Variants in VCL observed in about 807,000 individuals in gnomAD.
The protein encoded by VCL is vinculin, also known as epididymis luminal protein 114.
In VCL, 47 loss-of-function variants were observed where a neutral mutation model predicts 125.7. The observed-to-expected ratio is 0.37, with a 90% CI of 0.30 to 0.48. VCL has a LOEUF of 0.48. Ranked by LOEUF, VCL falls within the 20% of genes least tolerant of loss-of-function variation. VCL has a pLI of 0.99. For missense variants in VCL, 1,069 were observed against 1,455.5 expected (o/e 0.73, Z 4.32); for synonymous variants, 458 against 514.6 (o/e 0.89, Z 1.49).
At chr10:74,033,104 A>G (rs1231058176) in intron 1 of VCL, among the ~76,000 whole-genome samples, 1 of 152,238 alleles carries the variant, frequency 6.6e-6, no homozygotes, top group African/African-American at 2.4e-5. Flanking sequence ...CATTATTCAT[A>G]ATAGCCCAAA....
chr10:74,051,885 G>A (rs1174056974), intron 2 of VCL, among the ~76,000 whole-genome samples: 1 of 152,168 alleles, frequency 6.6e-6, no homozygotes, highest in Non-Finnish European at 1.5e-5. Context: ...TATTGAAGCA[G>A]CAGTGTACAG....
At chr10:74,006,899 T>C (rs1840331902) in intron 1 of VCL, among the ~76,000 whole-genome samples, 1 of 152,320 alleles carries the variant, frequency 6.6e-6, no homozygotes, top group Admixed American at 6.5e-5. Context: ...TAACCTGTAC[T>C]TATTTAATTA....
chr10:74,094,553 G>C, intron 11 of VCL, 92 bp downstream of exon 11: 3 of 1,442,180 alleles, frequency 2.1e-6, no homozygotes, highest in Non-Finnish European at 2.9e-6. Context: ...CTGTAATTAG[G>C]TAAGGGTTCT....
intron 1 of VCL, among the ~76,000 whole-genome samples, chr10:74,033,537 T>C (rs1287452461): frequency 6.6e-6 from 1 of 152,248 alleles, no homozygotes; most frequent in Non-Finnish European, 1.5e-5. Flanking sequence ...CTGGCTTTTA[T>C]GACAGAGTTC....
At chr10:74,009,962 T>C (rs562571968) in intron 1 of VCL, among the ~76,000 whole-genome samples, 1 of 152,064 alleles carries the variant, frequency 6.6e-6, no homozygotes, top group South Asian at 2.1e-4. Context: ...TCTTGCTCTG[T>C]TGCCCAGGCT....
In VCL at chr10:74,109,015, T is replaced by C; in HGVS notation, c.2604T>C (p.Gly868=). 1 of 1,614,066 alleles carries C rather than the reference T, an allele frequency of 6.2e-7. No homozygotes were observed. Among genetic ancestry groups the C allele is most frequent in the Non-Finnish European group, 8.5e-7 (1 of 1,179,998 alleles). Reference sequence around the variant, plus strand: ...CTCCCAAACCACCTCTGCCTGAAGGTGAGGTCCCTCCACCTAGGCCTCCAC... The same window carrying C: ...CTCCCAAACCACCTCTGCCTGAAGGCGAGGTCCCTCCACCTAGGCCTCCAC... ...LAPPKPPLPE[G]EVPPPRPPPP... Residue 868 remains glycine (G), a synonymous_variant, in exon 18 of 22, where the codon GGT becomes GGC. Coordinates refer to ENST00000211998, the MANE Select transcript of VCL (RefSeq NM_014000.3).
intron 1 of VCL, among the ~76,000 whole-genome samples, chr10:74,024,173 TAG>T (rs901033365): frequency 6.6e-6 from 1 of 152,158 alleles, no homozygotes; most frequent in Non-Finnish European, 1.5e-5. Context: ...AGCAAAGGAA[TAG>T]AGTGATTTTG....
rs1302101209 is a variant in VCL at position 74,082,541 on chromosome 10, C to G, written c.871C>G (p.Pro291Ala). 1 of 1,613,858 alleles carries G rather than the reference C, an allele frequency of 6.2e-7. No homozygotes were observed. The highest frequency in any genetic ancestry group is 1.3e-5 in the African/African-American group (1 of 74,898). The change falls in exon 7 of 22, where the codon CCA becomes GCA. Residue 291 changes from proline to alanine, a missense_variant. Around this residue, in one of 6 missense-constraint regions of VCL, gnomAD observed 760 missense variants for 928.9 expected, o/e 0.82. Transcript: ENST00000211998. Reference protein sequence around the residue: ...KGWLRDPSASPGDAGEQAIRQ... With the variant: ...KGWLRDPSASAGDAGEQAIRQ... ...TTGGCTCCGTGACCCTAGTGCCTCC[C>G]CAGGTAACCCTCTAGTTCTGCTTTT...
At chr10:74,105,643 A>C (rs1840120203) in intron 16 of VCL, among the ~76,000 whole-genome samples, 1 of 151,980 alleles carries the variant, frequency 6.6e-6, no homozygotes, top group South Asian at 2.1e-4. Flanking sequence ...TGAAACCTCC[A>C]CCTTCTGGGT....
chr10:74,084,823 G>A (rs925187054), intron 8 of VCL, among the ~76,000 whole-genome samples: 1 of 151,244 alleles, frequency 6.6e-6, no homozygotes, highest in Admixed American at 6.6e-5. Context: ...TGTTGGTCAG[G>A]CTGGTCTCAA....
At chr10:74,094,571 C>A in intron 11 of VCL, 110 bp downstream of exon 11, 1 of 1,288,612 alleles carries the variant, frequency 7.8e-7, no homozygotes, top group Non-Finnish European at 1.1e-6. Context: ...TCTTTAGCTG[C>A]TGATAAGTAA....
At chr10:74,092,053 C>T (rs183557158) in intron 10 of VCL, among the ~76,000 whole-genome samples, 6 of 151,892 alleles carry the variant, frequency 4.0e-5, no homozygotes, top group South Asian at 2.1e-4. Context: ...GGACTACAGG[C>T]GCACACCACC....
chr10:74,065,771 G>C (rs60819773), intron 2 of VCL, among the ~76,000 whole-genome samples: 9,506 of 151,752 alleles, frequency 0.063, 1,022 homozygotes, highest in African/African-American at 0.22. Flanking sequence ...AAGTTCAGAC[G>C]ATGAGGATCA....
chr10:74,109,712 T>G (rs1298538038), intron 18 of VCL, among the ~76,000 whole-genome samples: 1 of 152,154 alleles, frequency 6.6e-6, no homozygotes, highest in Non-Finnish European at 1.5e-5. Context: ...GGTGTAAATA[T>G]TAATGTGGTT....
intron 17 of VCL, 74 bp from the exon 18 acceptor site, chr10:74,108,897 T>C: frequency 6.3e-7 from 1 of 1,589,584 alleles, no homozygotes; most frequent in Admixed American, 1.7e-5. Flanking sequence ...AGGGATGCTT[T>C]TTAGAAGAAA....
intron 10 of VCL, among the ~76,000 whole-genome samples, chr10:74,090,861 C>T (rs1428318375): frequency 6.6e-6 from 1 of 151,932 alleles, no homozygotes; most frequent in Non-Finnish European, 1.5e-5. Context: ...AGTGCAGCGG[C>T]ATGACTATGC....
rs1333184553 is a variant in VCL at position 74,097,251 on chromosome 10, TG to T, written c.1792del (p.Val598PhefsTer68). On this transcript the variant is annotated frameshift_variant, in exon 13 of 22. Transcript: ENST00000211998. LOFTEE classifies it high-confidence loss of function. This position sits in a 1 kb window ranked among gnomAD's most constrained non-coding sequence, Gnocchi z 4.1. ...QEAMTQEVSDVFSDTTTPIKL... is the reference protein window; with the variant it reads ...QEAMTQEVSDXFSDTTTPIKL... Reference sequence around the variant, plus strand: ...AGGCCATGACTCAGGAAGTGTCAGATGTTTTCAGCGATACCACAACTCCCAT... The same window carrying T: ...AGGCCATGACTCAGGAAGTGTCAGATTTTTCAGCGATACCACAACTCCCAT... 6.2e-7 allele frequency: 1 copy of T among 1,614,130 alleles called. No homozygotes were observed. Among genetic ancestry groups the T allele is most frequent in the South Asian group, 1.1e-5 (1 of 91,080 alleles).
At chr10:74,108,104 T>G (rs915022540) in intron 17 of VCL, among the ~76,000 whole-genome samples, 2 of 152,248 alleles carry the variant, frequency 1.3e-5, no homozygotes, top group Admixed American at 6.5e-5. Flanking sequence ...TACAAAATTG[T>G]GTCATCGCAC....
At chr10:74,096,596 A>G (rs1048704480) in intron 12 of VCL, among the ~76,000 whole-genome samples, 1 of 152,226 alleles carries the variant, frequency 6.6e-6, no homozygotes, top group Admixed American at 6.5e-5. Flanking sequence ...CTTAAATTGG[A>G]TTAAATGTGA....
Sources: gnomAD v4.1 joint callset for allele counts (sites outside exome capture counted in the v4.1 genomes callset) on GRCh38, gnomAD v4.1.1 for gene constraint, gnomAD v4.1.1 regional missense constraint, Gnocchi (gnomAD v3.1) non-coding constraint, MANE v1.5 for transcripts, NCBI Gene and HGNC (gene_info 2026-07-23, HGNC 2026-07-21) for gene names.